Variants in L3MBTL2 observed in about 807,000 individuals in gnomAD.
L3MBTL2 encodes the protein L3MBTL histone methyl-lysine binding protein 2.
In L3MBTL2, 49 loss-of-function variants were observed where a neutral mutation model predicts 86.4. That is an observed-to-expected ratio of 0.57 (90% CI 0.45 to 0.72). L3MBTL2 has a LOEUF of 0.72. L3MBTL2 is among the 30% of genes least tolerant of loss of function. The probability of loss-of-function intolerance (pLI) is 0.00; values close to 1 mark genes in which losing one functional copy is unlikely to be tolerated. For synonymous variants in L3MBTL2, 336 were observed against 350.6 expected (o/e 0.96, Z 0.47); for missense variants, 755 against 923.7 (o/e 0.82, Z 2.37).
intron 8 of L3MBTL2, 84 bp downstream of exon 8, chr22:41,221,371 A>T: frequency 8.9e-7 from 1 of 1,126,204 alleles, no homozygotes; most frequent in Non-Finnish European, 1.3e-6. Flanking sequence ...GGAGCATGTT[A>T]CCTAAGACCC....
intron 2 of L3MBTL2, among the ~76,000 whole-genome samples, chr22:41,212,660 C>T (rs1167485108): frequency 1.3e-5 from 2 of 151,986 alleles, no homozygotes; most frequent in Admixed American, 6.6e-5. Flanking sequence ...CTTTGGGAGG[C>T]CGAGGCGGGA....
At chr22:41,222,736 A>G (rs924592638) in intron 8 of L3MBTL2, among the ~76,000 whole-genome samples, 2 of 152,204 alleles carry the variant, frequency 1.3e-5, no homozygotes, top group African/African-American at 4.8e-5. Context: ...CCTGGCCAAC[A>G]TGATGAAACC....
intron 1 of L3MBTL2, 129 bp downstream of exon 1, chr22:41,205,515 T>A: frequency 8.9e-7 from 1 of 1,117,886 alleles, no homozygotes; most frequent in Non-Finnish European, 1.4e-6. Flanking sequence ...CTGAGGTAGT[T>A]AAACTGAGCC....
Position 41,227,905 on chromosome 22 carries a change from G to A in L3MBTL2, c.1888+36G>A. ...CACCGGTGCAGCCAGGCTGGTGTGG[G>A]CCTGGGAGCAGTGGGCCTGCGTCCC... On this transcript the variant is annotated intron_variant, in intron 15 of 16. Coordinates refer to ENST00000216237, the MANE Select transcript of L3MBTL2 (RefSeq NM_031488.5). The surrounding 1 kb of genome is among the most constrained non-coding windows in gnomAD (Gnocchi z 6.0). The A allele has an allele frequency of 6.2e-7, 1 of 1,606,728 alleles. No homozygotes were observed. Among genetic ancestry groups the A allele is most frequent in the South Asian group, 1.1e-5 (1 of 90,154 alleles).
rs1234245540 is a variant in L3MBTL2 at position 41,224,437 on chromosome 22, G to A, written c.1174+186G>A. ...AGTCACTCCACTCAACTTGTGAGTG[G>A]TAAAATCAAGATTTGAACCCAGATG... On this transcript the variant is annotated intron_variant, in intron 9 of 16. Coordinates refer to ENST00000216237, the MANE Select transcript of L3MBTL2 (RefSeq NM_031488.5). The surrounding 1 kb of genome is among the most constrained non-coding windows in gnomAD (Gnocchi z 4.9). Among the ~76,000 whole-genome samples the A allele has an allele frequency of 6.6e-6, 1 of 152,180 alleles. No individual in the cohort carries two copies. Among genetic ancestry groups the A allele is most frequent in the Non-Finnish European group, 1.5e-5 (1 of 68,024 alleles).
rs2032258916 is a variant in L3MBTL2, at chr22:41,227,353, T to C, written c.1822+30T>C. ...GGGCTCTCGTGGCCCTAAGAGGCTCTGACTTTCTTTCCTCTTCTTTTTTCC... is the reference window on the plus strand; with the variant it reads ...GGGCTCTCGTGGCCCTAAGAGGCTCCGACTTTCTTTCCTCTTCTTTTTTCC... On this transcript the variant is annotated intron_variant, in intron 14 of 16. Coordinates refer to ENST00000216237, the MANE Select transcript of L3MBTL2 (RefSeq NM_031488.5). This position sits in a 1 kb window ranked among gnomAD's most constrained non-coding sequence, Gnocchi z 6.0. 34 of 1,541,574 alleles carry C rather than the reference T, an allele frequency of 2.2e-5. No homozygotes were observed. Among genetic ancestry groups the C allele is most frequent in the Non-Finnish European group, 2.8e-5 (32 of 1,135,328 alleles).
Position 41,210,982 on chromosome 22 carries a change from G to A in L3MBTL2, c.262+1049G>A, listed in dbSNP as rs1368720753. ...TGGTTTGGAAGTCAGGGTGGGAGTG[G>A]GAAGGTAATACACGATAAAGTGACC... On this transcript the variant is annotated intron_variant, in intron 2 of 16. Transcript: ENST00000216237. 3.9e-5 allele frequency among the ~76,000 whole-genome samples: 6 copies of A among 152,224 alleles called. No individual in the cohort carries two copies. In the Middle Eastern group the frequency reaches 0.017, roughly 431 times the overall value.
Position 41,225,833 on chromosome 22 carries a change from G to T in L3MBTL2, c.1396G>T (p.Gly466Trp). The part of the protein sequence containing the change: ...DGYLMICVDG[G>W]PSTDGLDWFC... ...ATACCTGATGATCTGTGTGGACGGG[G>T]GGCCCTCCACAGATGGCTTGGACTG... Residue 466 changes from glycine (G) to tryptophan (W), a missense_variant, in exon 12 of 17, where the codon GGG (glycine) becomes TGG (tryptophan). Around this residue, in one of 3 missense-constraint regions of L3MBTL2, gnomAD observed 634 missense variants for 748.9 expected, o/e 0.85. Coordinates refer to ENST00000216237, the MANE Select transcript of L3MBTL2 (RefSeq NM_031488.5). The surrounding 1 kb of genome is among the most constrained non-coding windows in gnomAD (Gnocchi z 4.1). The T allele has an allele frequency of 6.2e-7, 1 of 1,614,016 alleles. No homozygotes were observed. The highest frequency in any genetic ancestry group is 8.5e-7 in the Non-Finnish European group (1 of 1,179,950).
chr22:41,220,659 G>GAAAA, intron 6 of L3MBTL2, 75 bp from the exon 7 acceptor site: 124 of 1,279,578 alleles, frequency 9.7e-5, no homozygotes, highest in East Asian at 2.9e-4. Flanking sequence ...CTTCGTCTCA[G>GAAAA]AAAAAAAAAA....
In L3MBTL2 at chr22:41,221,246, C is replaced by A; in HGVS notation, c.901C>A (p.Leu301Met). The A allele has an allele frequency of 6.4e-7, 1 of 1,551,568 alleles. No homozygotes were observed. Residue 301 changes from leucine to methionine, a missense_variant, in exon 8 of 17, where the codon CTG becomes ATG. By Grantham distance (15) the Leu-to-Met change is conservative (BLOSUM62 2). Around this residue, in one of 3 missense-constraint regions of L3MBTL2, gnomAD observed 634 missense variants for 748.9 expected, o/e 0.85. Coordinates refer to ENST00000216237, the MANE Select transcript of L3MBTL2 (RefSeq NM_031488.5). ...TDWKGYLMKR[L>M]VGSRTLPVDF... ...CTGGAAGGGCTACCTCATGAAACGG[C>A]TGGTGGGCTCCAGGACGCTTCCCGT...
intron 1 of L3MBTL2, chr22:41,208,568 G>C (rs2030440552): frequency 4.1e-6 from 1 of 242,398 alleles, no homozygotes; most frequent in Non-Finnish European, 8.3e-6. Context: ...AGGCCCTATA[G>C]CTAGTTAGGC....
intron 2 of L3MBTL2, among the ~76,000 whole-genome samples, chr22:41,211,968 A>G (rs2030897174): frequency 7.3e-6 from 1 of 136,632 alleles, no homozygotes; most frequent in Non-Finnish European, 1.5e-5. Flanking sequence ...GGTTCACGCC[A>G]TTCTCCTGCC....
Position 41,227,180 on chromosome 22 carries a change from G to A in L3MBTL2, c.1679G>A (p.Arg560Gln), listed in dbSNP as rs749666274. 6 of 1,613,746 alleles carry A rather than the reference G, an allele frequency of 3.7e-6. No individual in the cohort carries two copies. The highest frequency in any genetic ancestry group is 2.2e-5 in the South Asian group (2 of 91,072). The change falls in exon 14 of 17, where the codon CGA (arginine) becomes CAA (glutamine). Residue 560 changes from arginine (R) to glutamine (Q), a missense_variant. Physicochemically the swap from Arg to Gln is conservative, Grantham distance 43. Coordinates refer to ENST00000216237, the MANE Select transcript of L3MBTL2 (RefSeq NM_031488.5). This position sits in a 1 kb window ranked among gnomAD's most constrained non-coding sequence, Gnocchi z 6.0. ...PRLICVATVKRVVHRLLSIHF... is the reference protein window; with the variant it reads ...PRLICVATVKQVVHRLLSIHF... ...CTCATCTGTGTGGCCACGGTGAAAC[G>A]AGTGGTGCATCGGCTCCTCAGCATC...
Position 41,225,025 on chromosome 22 carries a change from T to C in L3MBTL2, c.1310T>C (p.Ile437Thr), listed in dbSNP as rs1209472980. The part of the protein sequence containing the change: ...WFEEGMKLEA[I>T]DPLNLGNICV... ...GAGGAAGGGATGAAGCTGGAGGCCA[T>C]TGACCCCCTGAATCTGGGCAACATC... The change falls in exon 11 of 17, where the codon ATT (isoleucine) becomes ACT (threonine). Residue 437 changes from isoleucine to threonine, a missense_variant. By Grantham distance (89) the Ile-to-Thr change is moderately conservative (BLOSUM62 -1). Coordinates refer to ENST00000216237, the MANE Select transcript of L3MBTL2 (RefSeq NM_031488.5). This position sits in a 1 kb window ranked among gnomAD's most constrained non-coding sequence, Gnocchi z 4.1. The C allele has an allele frequency of 3.7e-6, 6 of 1,614,122 alleles. No individual in the cohort carries two copies. In the South Asian group the frequency reaches 4.4e-5, roughly 12 times the overall value.
chr22:41,205,391 G>T lies in L3MBTL2; in HGVS notation c.24+5G>T, dbSNP rs368753563. 6 of 1,614,218 alleles carry T rather than the reference G, an allele frequency of 3.7e-6. No homozygotes were observed. The highest frequency in any genetic ancestry group is 5.1e-6 in the Non-Finnish European group (6 of 1,180,038). On this transcript the variant is annotated splice_donor_5th_base_variant and intron_variant, in intron 1 of 16. Transcript: ENST00000216237. ...GAGAAGCCCCGGAGTATTGAGGTGA[G>T]AAGGCGAGGACTTAGCGTGACTGGG...
chr22:41,226,989 C>A, intron 13 of L3MBTL2, 100 bp from the exon 14 acceptor site: 3 of 1,067,736 alleles, frequency 2.8e-6, no homozygotes, highest in Non-Finnish European at 4.1e-6. Context: ...TTCCAGTCCC[C>A]GCCCCTCCCT....
intron 15 of L3MBTL2, among the ~76,000 whole-genome samples, chr22:41,229,280 G>T (rs186616721): frequency 5.3e-5 from 8 of 152,272 alleles, no homozygotes; most frequent in South Asian, 2.1e-4. Context: ...TTTAAAAAAA[G>T]ATTTTAAAAA....
intron 8 of L3MBTL2, among the ~76,000 whole-genome samples, chr22:41,223,551 A>G (rs2031977882): frequency 6.9e-6 from 1 of 144,444 alleles, no homozygotes. Flanking sequence ...TATGTGCCAC[A>G]GGCAGAGGGC....
intron 2 of L3MBTL2, among the ~76,000 whole-genome samples, chr22:41,212,013 T>G (rs1306429285): frequency 3.4e-5 from 5 of 146,528 alleles, no homozygotes; most frequent in Non-Finnish European, 7.5e-5. Context: ...ACAGGCGCCC[T>G]CCGCCATGCC....
Sources: gnomAD v4.1 joint callset for allele counts (sites outside exome capture counted in the v4.1 genomes callset) on GRCh38, gnomAD v4.1.1 for gene constraint, gnomAD v4.1.1 regional missense constraint, Gnocchi (gnomAD v3.1) non-coding constraint, MANE v1.5 for transcripts, NCBI Gene and HGNC (gene_info 2026-07-23, HGNC 2026-07-21) for gene names.